Variants in DOCK5 observed in about 807,000 individuals in gnomAD.
DOCK5 encodes the protein dedicator of cytokinesis protein 5.
Under a neutral mutation model 251.8 loss-of-function variants are expected in DOCK5, and 142 were observed. The observed-to-expected ratio is 0.56, with a 90% confidence interval of 0.49 to 0.65. The LOEUF (loss-of-function observed/expected upper bound fraction) is 0.65, where lower values mean the gene tolerates loss of function less well. Among genes scored for constraint, DOCK5 ranks in the 30% least tolerant of loss-of-function variants. The probability of loss-of-function intolerance (pLI) is 0.00; values close to 1 mark genes in which losing one functional copy is unlikely to be tolerated. For synonymous variants in DOCK5, 842 were observed against 835.5 expected (o/e 1.01, Z -0.13); for missense variants, 2,111 against 2,312.3 (o/e 0.91, Z 1.79).
chr8:25,275,341 T>G (rs1804017973), intron 3 of DOCK5, 45 bp from the exon 4 acceptor site: 1 of 1,518,620 alleles, frequency 6.6e-7, no homozygotes, highest in Non-Finnish European at 9.0e-7. Flanking sequence ...GTTTGGTTTT[T>G]GTTTTGTTTT....
chr8:25,334,180 G>T lies in DOCK5; in HGVS notation c.2176G>T (p.Ala726Ser). The T allele has an allele frequency of 6.2e-7, 1 of 1,613,392 alleles. No individual in the cohort carries two copies. Among genetic ancestry groups the T allele is most frequent in the Non-Finnish European group, 8.5e-7 (1 of 1,179,392 alleles). Residue 726 changes from alanine to serine, a missense_variant, in exon 21 of 52, where the codon GCC becomes TCC. Ala to Ser is a moderately conservative substitution (Grantham distance 99, BLOSUM62 1). Around this residue, in one of 3 missense-constraint regions of DOCK5, gnomAD observed 1,717 missense variants for 1,892.4 expected, o/e 0.91. Coordinates refer to ENST00000276440, the MANE Select transcript of DOCK5 (RefSeq NM_024940.8). The part of the protein sequence containing the change: ...LETYIYKHFS[A>S]TLAYVKLSKV... ...AACCTACATTTACAAGCACTTCAGC[G>T]CCACTTTGGCATATGTGTAAGTATG...
intron 1 of DOCK5, among the ~76,000 whole-genome samples, chr8:25,231,462 A>G (rs1426003512): frequency 6.6e-6 from 1 of 152,166 alleles, no homozygotes; most frequent in Non-Finnish European, 1.5e-5. Flanking sequence ...TATCATAACC[A>G]AGCAATTTCA....
At chr8:25,225,180 A>G (rs1474112491) in intron 1 of DOCK5, among the ~76,000 whole-genome samples, 1 of 152,212 alleles carries the variant, frequency 6.6e-6, no homozygotes, top group Non-Finnish European at 1.5e-5. Context: ...CCTATGGAAA[A>G]CATTGTGGTA....
intron 17 of DOCK5, 53 bp downstream of exon 17, chr8:25,324,004 T>G (rs986046540): frequency 2.0e-6 from 3 of 1,480,154 alleles, no homozygotes; most frequent in Non-Finnish European, 2.7e-6. Context: ...AATGAGCATT[T>G]AAGACTCCTT....
rs1804611763 is a variant in DOCK5 at position 25,296,204 on chromosome 8, T to G, written c.471-309T>G. ...AGTTCCTCTTCATAATAACAGAAGA[T>G]TACAGGCAAGAAGCATTGGCCAGAG... On this transcript the variant is annotated intron_variant, in intron 6 of 51. Transcript: ENST00000276440. Among the ~76,000 whole-genome samples the G allele has an allele frequency of 4.6e-5, 7 of 152,176 alleles. No homozygotes were observed. The South Asian group carries it at 1.5e-3, about 32-fold the overall frequency.
intron 21 of DOCK5, among the ~76,000 whole-genome samples, chr8:25,334,563 T>G (rs949347709): frequency 7.2e-5 from 11 of 151,988 alleles, no homozygotes; most frequent in Non-Finnish European, 1.5e-4. Flanking sequence ...ATTAAAAAGT[T>G]AGCCAGGTGT....
rs191429919 is a variant in DOCK5, at chr8:25,284,523, A to G, written c.321+5858A>G. ...CTCCCTCCAGCCCCGTAGTAACTTA[A>G]CTAGGTCGATGGGTTTCAGATTTTC... On this transcript the variant is annotated intron_variant, in intron 5 of 51. Transcript: ENST00000276440. 5.1e-4 allele frequency among the ~76,000 whole-genome samples: 77 copies of G among 152,298 alleles called. 1 individual carries two copies. The East Asian group carries it at 0.013, about 25-fold the overall frequency.
At chr8:25,246,616 G>C (rs760326046) in intron 2 of DOCK5, among the ~76,000 whole-genome samples, 1 of 151,960 alleles carries the variant, frequency 6.6e-6, no homozygotes, top group Non-Finnish European at 1.5e-5. Flanking sequence ...TGCCCCAAGC[G>C]GAAAGCAGCC....
At chr8:25,392,032 G>A in intron 43 of DOCK5, 52 bp downstream of exon 43, 7 of 1,535,702 alleles carry the variant, frequency 4.6e-6, no homozygotes, top group Non-Finnish European at 5.4e-6. Context: ...GGCTGAGCAC[G>A]GTGGCTCACG....
At chr8:25,219,366 A>T (rs1378567153) in intron 1 of DOCK5, among the ~76,000 whole-genome samples, 1 of 151,918 alleles carries the variant, frequency 6.6e-6, no homozygotes, top group Non-Finnish European at 1.5e-5. Flanking sequence ...TCCCTGGAGC[A>T]CTTTTTCTGT....
At chr8:25,402,600 C>G (rs1050151697) in intron 47 of DOCK5, among the ~76,000 whole-genome samples, 2 of 151,786 alleles carry the variant, frequency 1.3e-5, no homozygotes, top group Admixed American at 1.3e-4. Flanking sequence ...CCGGCCCACA[C>G]CCAGCTAATT....
At chr8:25,345,254 A>ATTT in intron 25 of DOCK5, 4 of 331,922 alleles carry the variant, frequency 1.2e-5, no homozygotes, top group East Asian at 4.6e-5. Context: ...GAGAAGGGTC[A>ATTT]TTTTTTTTTT....
chr8:25,361,553 G>A (rs529668830), intron 28 of DOCK5, among the ~76,000 whole-genome samples: 1 of 152,196 alleles, frequency 6.6e-6, no homozygotes, highest in Non-Finnish European at 1.5e-5. Context: ...GGTGGAGGTT[G>A]CAGTAAGTCG....
chr8:25,297,118 G>A (rs952322536), intron 7 of DOCK5, among the ~76,000 whole-genome samples: 6 of 151,790 alleles, frequency 4.0e-5, no homozygotes, highest in East Asian at 1.9e-4. Context: ...TTTTTGAGAC[G>A]GAGTCTTGCT....
intron 5 of DOCK5, among the ~76,000 whole-genome samples, chr8:25,287,295 G>A (rs1408668852): frequency 6.6e-6 from 1 of 152,184 alleles, no homozygotes; most frequent in Non-Finnish European, 1.5e-5. Context: ...ATTGTGTGGT[G>A]TGTGCCTGTG....
At chr8:25,236,760 G>GTT (rs111913006) in intron 1 of DOCK5, among the ~76,000 whole-genome samples, 2,547 of 147,018 alleles carry the variant, frequency 0.017, 85 homozygotes, top group African/African-American at 0.06. Context: ...TTTTTGTGTG[G>GTT]TTTTTTTTTT....
chr8:25,391,761 A>G (rs1053877302), intron 42 of DOCK5, 135 bp from the exon 43 acceptor site: 5 of 576,310 alleles, frequency 8.7e-6, no homozygotes, highest in Non-Finnish European at 1.5e-5. Context: ...CTTCATGTGG[A>G]GGCACTATTG....
chr8:25,403,733 TTC>T lies in DOCK5; in HGVS notation c.5093+10_5093+11del, dbSNP rs1339635226. 6.2e-7 allele frequency: 1 copy of T among 1,613,614 alleles called. No homozygotes were observed. The highest frequency in any genetic ancestry group is 1.1e-5 in the South Asian group (1 of 91,056). On this transcript the variant is annotated intron_variant, in intron 48 of 51. Coordinates refer to ENST00000276440, the MANE Select transcript of DOCK5 (RefSeq NM_024940.8). Reference sequence around the variant, plus strand: ...AGACCGGGATCTGATGGGTAAGGGTTTCATCTTTAATCTGCAGGAAGGGTGGG... The same window carrying T: ...AGACCGGGATCTGATGGGTAAGGGTTATCTTTAATCTGCAGGAAGGGTGGG...
At chr8:25,346,517 C>G (rs907357729) in intron 26 of DOCK5, among the ~76,000 whole-genome samples, 2 of 151,672 alleles carry the variant, frequency 1.3e-5, no homozygotes, top group Non-Finnish European at 1.5e-5. Flanking sequence ...GACCTGGCCC[C>G]CATCCCTCTT....
Sources: gnomAD v4.1 joint callset for allele counts (sites outside exome capture counted in the v4.1 genomes callset) on GRCh38, gnomAD v4.1.1 for gene constraint, gnomAD v4.1.1 regional missense constraint, MANE v1.5 for transcripts, NCBI Gene and HGNC (gene_info 2026-07-23, HGNC 2026-07-21) for gene names.